Variants in ZNF254 observed in about 807,000 individuals in gnomAD.
ZNF254 encodes the protein zinc finger protein 254, also known as CTD-2017D11.1.
Under a neutral mutation model 12.4 loss-of-function variants are expected in ZNF254, and 10 were observed. The ratio of observed to expected loss-of-function variants is 0.80; its 90% CI spans 0.50 to 1.36. The LOEUF is 1.36. ZNF254 is among the 40% of genes most tolerant of loss of function. ZNF254 has a pLI of 0.00. For synonymous variants in ZNF254, 305 were observed against 253.4 expected, an observed-to-expected ratio of 1.20 and a Z score of -1.93; for missense variants, 996 against 763.9, an observed-to-expected ratio of 1.30 and a Z score of -3.58.
At chr19:24,083,972 A>G (rs1971938391), upstream of ZNF254, among the ~76,000 whole-genome samples, 1 of 151,982 alleles carries the variant, frequency 6.6e-6, no homozygotes, top group South Asian at 2.1e-4. Flanking sequence ...TGATTCAGCA[A>G]TTCCACTACT....
chr19:24,113,586 T>C (rs1973843211), intron 3 of ZNF254, among the ~76,000 whole-genome samples: 1 of 152,144 alleles, frequency 6.6e-6, no homozygotes, highest in East Asian at 1.9e-4. Context: ...TCATACTGAA[T>C]GGGCAAAAAC....
At chr19:24,035,548 C>G (rs1969934109) in intron 1 of ZNF254, among the ~76,000 whole-genome samples, 1 of 152,126 alleles carries the variant, frequency 6.6e-6, no homozygotes, top group Admixed American at 6.5e-5. Context: ...TGGTGGCACG[C>G]TGTATTCCCA....
At chr19:24,041,030 A>G (rs1173566511) in intron 1 of ZNF254, among the ~76,000 whole-genome samples, 2 of 152,234 alleles carry the variant, frequency 1.3e-5, no homozygotes, top group Non-Finnish European at 1.5e-5. Context: ...CAGAATACCA[A>G]ATGAGCTATA....
chr19:24,036,489 T>G (rs1159937004), intron 1 of ZNF254, among the ~76,000 whole-genome samples: 1 of 152,182 alleles, frequency 6.6e-6, no homozygotes, highest in East Asian at 1.9e-4. Flanking sequence ...GACTGGGATC[T>G]GCAGTGGTGG....
intron 2 of ZNF254, among the ~76,000 whole-genome samples, chr19:24,055,795 G>A (rs1299051777): frequency 6.6e-6 from 1 of 152,168 alleles, no homozygotes; most frequent in Non-Finnish European, 1.5e-5. Context: ...ATTAGACAAA[G>A]TCCACAGGAG....
intron 2 of ZNF254, among the ~76,000 whole-genome samples, chr19:24,071,840 C>T (rs771490867): frequency 6.6e-6 from 1 of 152,096 alleles, no homozygotes; most frequent in Non-Finnish European, 1.5e-5. Context: ...AGGTGATGAA[C>T]AAAATGATAT....
At chr19:24,046,385 A>ATTTATATATATATTTATATATATATT in intron 2 of ZNF254, 10 of 96,702 alleles carry the variant, frequency 1.0e-4, no homozygotes, top group African/African-American at 3.8e-4. Flanking sequence ...ATATATATAT[A>ATTTATATATATATTTATATATATATT]TATATATATA....
intron 2 of ZNF254, among the ~76,000 whole-genome samples, chr19:24,052,216 A>C (rs1970674896): frequency 6.6e-6 from 1 of 152,230 alleles, no homozygotes; most frequent in East Asian, 1.9e-4. Context: ...TAAGCCCTGC[A>C]TGCATTGTGT....
chr19:24,076,438 C>A (rs763918630), intron 2 of ZNF254, among the ~76,000 whole-genome samples: 40 of 152,018 alleles, frequency 2.6e-4, no homozygotes, highest in Non-Finnish European at 5.4e-4. Flanking sequence ...CTGGCTGCAC[C>A]CAGCTTACAG....
At chr19:24,120,133 A>G (rs1212128477) in intron 3 of ZNF254, among the ~76,000 whole-genome samples, 1 of 152,132 alleles carries the variant, frequency 6.6e-6, no homozygotes, top group Non-Finnish European at 1.5e-5. Context: ...ACATGGTGGC[A>G]GACAAAAGAA....
intron 3 of ZNF254, among the ~76,000 whole-genome samples, chr19:24,118,512 C>T (rs777491133): frequency 2.6e-5 from 4 of 151,778 alleles, no homozygotes; most frequent in Non-Finnish European, 5.9e-5. Flanking sequence ...TTGTGTTTTT[C>T]GATGAAAATG....
At chr19:24,037,253 C>G (rs62117084) in intron 1 of ZNF254, among the ~76,000 whole-genome samples, 24,279 of 152,126 alleles carry the variant, frequency 0.16, 2,107 homozygotes, top group Middle Eastern at 0.23. Context: ...CAGTGTGCCT[C>G]AGGTGCCTGA....
At chr19:24,097,373 G>A (rs113977063) in intron 1 of ZNF254, among the ~76,000 whole-genome samples, 11 of 151,910 alleles carry the variant, frequency 7.2e-5, no homozygotes, top group Admixed American at 2.6e-4. Flanking sequence ...CATGGTGATC[G>A]TTTGCAGGCT....
upstream of ZNF254, among the ~76,000 whole-genome samples, chr19:24,082,566 C>G (rs1205817696): frequency 4.8e-5 from 6 of 125,040 alleles, no homozygotes; most frequent in Admixed American, 8.8e-5. Flanking sequence ...AGAAGAATCT[C>G]TTGAACCTGG....
At chr19:24,034,367 C>G (rs1182174562) in intron 1 of ZNF254, among the ~76,000 whole-genome samples, 2 of 151,848 alleles carry the variant, frequency 1.3e-5, no homozygotes, top group Non-Finnish European at 2.9e-5. Flanking sequence ...CATCCACAGG[C>G]AGATGCAGTT....
chr19:24,085,418 A>G (rs1477386107), upstream of ZNF254, among the ~76,000 whole-genome samples: 8 of 129,618 alleles, frequency 6.2e-5, 2 homozygotes, highest in South Asian at 1.2e-3. Flanking sequence ...GTATATATAT[A>G]TATATATAAA....
chr19:24,112,042 G>A (rs1230930148), intron 3 of ZNF254, among the ~76,000 whole-genome samples: 3 of 146,594 alleles, frequency 2.0e-5, no homozygotes, highest in Non-Finnish European at 4.6e-5. Flanking sequence ...TGTCCGGAAT[G>A]GTAATGCCTA....
At chr19:24,082,833 A>G (rs73021420), upstream of ZNF254, among the ~76,000 whole-genome samples, 20,119 of 151,550 alleles carry the variant, frequency 0.13, 1,390 homozygotes, top group East Asian at 0.17. Flanking sequence ...TTTTTAAACC[A>G]TCTGTGACAA....
chr19:24,075,443 G>A (rs912025500), intron 2 of ZNF254, among the ~76,000 whole-genome samples: 7 of 151,860 alleles, frequency 4.6e-5, no homozygotes, highest in African/African-American at 1.5e-4. Flanking sequence ...CTGGGTCTCC[G>A]GGGTGACATC....
Sources: allele counts gnomAD v4.1 joint callset (sites outside exome capture counted in the v4.1 genomes callset), GRCh38; gene constraint gnomAD v4.1.1; transcripts MANE v1.5; gene names NCBI Gene and HGNC (gene_info 2026-07-23, HGNC 2026-07-21).